The following CNOT2 variants were observed in gnomAD, a reference collection of about 807,000 sequenced individuals.
The protein encoded by CNOT2 is CCR4-NOT transcription complex subunit 2.
CNOT2 carries 7 observed loss-of-function variants against 72.1 expected under a neutral mutation model. The ratio of observed to expected loss-of-function variants is 0.10; its 90% CI spans 0.06 to 0.18. CNOT2 has a LOEUF of 0.18. CNOT2 is among the 10% of genes least tolerant of loss of function. CNOT2 has a pLI of 1.00. For synonymous variants in CNOT2, 196 were observed against 225.6 expected (o/e 0.87, Z 1.17); for missense variants, 345 against 660.3 (o/e 0.52, Z 5.23).
chr12:70,245,060 C>T (rs1433386723), intron 1 of CNOT2, among the ~76,000 whole-genome samples: 1 of 152,184 alleles, frequency 6.6e-6, no homozygotes. Flanking sequence ...ATGAATAAAT[C>T]TCACAATTTT....
At chr12:70,338,979 C>T (rs1881080182) in intron 11 of CNOT2, among the ~76,000 whole-genome samples, 157 bp downstream of exon 11, 1 of 151,446 alleles carries the variant, frequency 6.6e-6, no homozygotes, top group African/African-American at 2.4e-5. Context: ...AGATCACTGT[C>T]ACTCTGCAGT....
At chr12:70,275,259 AT>A (rs1436252140) in intron 1 of CNOT2, among the ~76,000 whole-genome samples, 4 of 151,608 alleles carry the variant, frequency 2.6e-5, no homozygotes, top group Non-Finnish European at 4.4e-5. Context: ...TACTCTATGT[AT>A]TTTTTTCCCC....
chr12:70,307,074 A>C (rs1046364859), intron 2 of CNOT2, among the ~76,000 whole-genome samples: 3 of 152,168 alleles, frequency 2.0e-5, no homozygotes, highest in Non-Finnish European at 4.4e-5. Flanking sequence ...AGCTTGCAGA[A>C]CTGGAAGTTG....
At chr12:70,288,883 T>C (rs1228929179) in intron 2 of CNOT2, among the ~76,000 whole-genome samples, 1 of 152,226 alleles carries the variant, frequency 6.6e-6, no homozygotes, top group Non-Finnish European at 1.5e-5. Flanking sequence ...ATGGTAATTT[T>C]AGGGATGGTG....
At chr12:70,336,839 A>G (rs1304609239) in intron 8 of CNOT2, 1 of 152,386 alleles carries the variant, frequency 6.6e-6, no homozygotes, top group African/African-American at 2.4e-5. Context: ...GTTCTCCAAT[A>G]AGGGCCCGAC....
chr12:70,342,179 CTA>C lies in CNOT2; in HGVS notation c.1240+13_1240+14del. The C allele has an allele frequency of 6.2e-7, 1 of 1,611,828 alleles. No individual in the cohort carries two copies. Among genetic ancestry groups the C allele is most frequent in the Non-Finnish European group, 8.5e-7 (1 of 1,178,000 alleles). ...GACCTCAAGACATAGGTAGGAGAAT[CTA>C]TTTGTGTTTAGACCTTTTAAAAAGA... On this transcript the variant is annotated intron_variant, in intron 12 of 15. Transcript: ENST00000229195.
At chr12:70,302,243 C>T (rs897699254) in intron 2 of CNOT2, among the ~76,000 whole-genome samples, 1 of 151,764 alleles carries the variant, frequency 6.6e-6, no homozygotes, top group Admixed American at 6.6e-5. Flanking sequence ...TTAGTTATTT[C>T]TTGCCTTCTG....
At chr12:70,310,722 CTT>C (rs1361476704) in intron 2 of CNOT2, among the ~76,000 whole-genome samples, 171 bp from the exon 3 acceptor site, 1 of 152,032 alleles carries the variant, frequency 6.6e-6, no homozygotes, top group African/African-American at 2.4e-5. Flanking sequence ...ACATCTAACA[CTT>C]TATTGTTATA....
At chr12:70,253,166 C>A (rs999562986) in intron 1 of CNOT2, among the ~76,000 whole-genome samples, 1 of 152,132 alleles carries the variant, frequency 6.6e-6, no homozygotes, top group Non-Finnish European at 1.5e-5. Flanking sequence ...TTAATAATTC[C>A]TGTGTTAAGT....
intron 1 of CNOT2, among the ~76,000 whole-genome samples, chr12:70,247,127 C>T (rs1007792751): frequency 6.6e-6 from 1 of 151,376 alleles, no homozygotes; most frequent in African/African-American, 2.4e-5. Flanking sequence ...ATATTTTGGA[C>T]TATTTGCCAC....
chr12:70,323,944 A>G (rs553982913), intron 4 of CNOT2: 7 of 151,894 alleles, frequency 4.6e-5, no homozygotes, highest in African/African-American at 1.7e-4. Context: ...TTTATTGAAT[A>G]TTATCTACTG....
intron 3 of CNOT2, among the ~76,000 whole-genome samples, chr12:70,311,975 A>G (rs1257816847): frequency 6.6e-6 from 1 of 151,872 alleles, no homozygotes; most frequent in Non-Finnish European, 1.5e-5. Flanking sequence ...AGCTTAACCT[A>G]CTAGGTTTAT....
At chr12:70,272,293 A>T (rs1295539066) in intron 1 of CNOT2, among the ~76,000 whole-genome samples, 2 of 152,230 alleles carry the variant, frequency 1.3e-5, no homozygotes, top group African/African-American at 4.8e-5. Context: ...GACAGAAAAC[A>T]AATGAGAACA....
intron 4 of CNOT2, chr12:70,321,546 A>G (rs946806550): frequency 1.3e-5 from 2 of 151,596 alleles, no homozygotes; most frequent in Admixed American, 1.3e-4. Context: ...TAGATTAGAG[A>G]TATTATTCTT....
intron 15 of CNOT2, chr12:70,346,540 T>G: frequency 2.6e-6 from 1 of 384,730 alleles, no homozygotes; most frequent in Non-Finnish European, 4.6e-6. Flanking sequence ...GTAAGAGGTT[T>G]TGTAATTTTG....
At chr12:70,302,524 T>C (rs1874237207) in intron 2 of CNOT2, among the ~76,000 whole-genome samples, 1 of 152,126 alleles carries the variant, frequency 6.6e-6, no homozygotes, top group South Asian at 2.1e-4. Flanking sequence ...AGTTGAGAGG[T>C]TTTGAGTGAG....
chr12:70,244,898 T>C (rs1289173352), intron 1 of CNOT2, among the ~76,000 whole-genome samples: 1 of 152,244 alleles, frequency 6.6e-6, no homozygotes, highest in Non-Finnish European at 1.5e-5. Context: ...TAAGTGTGAC[T>C]GTTGATTTCC....
intron 2 of CNOT2, among the ~76,000 whole-genome samples, chr12:70,304,943 C>T (rs570982209): frequency 6.9e-4 from 105 of 152,322 alleles, no homozygotes; most frequent in African/African-American, 2.2e-3. Flanking sequence ...AGCAATGAGC[C>T]GGGCTCCGTG....
intron 13 of CNOT2, among the ~76,000 whole-genome samples, chr12:70,342,567 GAT>G (rs1236651437): frequency 6.6e-6 from 1 of 152,084 alleles, no homozygotes; most frequent in Non-Finnish European, 1.5e-5. Flanking sequence ...ATATCCTTCT[GAT>G]AATCTTATTT....
Sources: allele counts gnomAD v4.1 joint callset (sites outside exome capture counted in the v4.1 genomes callset), GRCh38; gene constraint gnomAD v4.1.1; transcripts MANE v1.5; gene names NCBI Gene and HGNC (gene_info 2026-07-23, HGNC 2026-07-21).